Variants in NUDT5 observed in about 807,000 individuals in gnomAD.
NUDT5 encodes the protein ADP-sugar pyrophosphatase.
NUDT5 carries 21 observed loss-of-function variants against 34.1 expected under a neutral mutation model. The ratio of observed to expected loss-of-function variants is 0.62; its 90% CI spans 0.44 to 0.89. The LOEUF is 0.89. Ranked by LOEUF, NUDT5 falls within the 40% of genes least tolerant of loss-of-function variation. NUDT5 has a pLI of 0.00. For synonymous variants in NUDT5, 85 were observed against 97.6 expected, an observed-to-expected ratio of 0.87 and a Z score of 0.76; for missense variants, 249 against 274.8, an observed-to-expected ratio of 0.91 and a Z score of 0.66.
intron 3 of NUDT5, among the ~76,000 whole-genome samples, chr10:12,180,762 A>G (rs1835029513): frequency 6.6e-6 from 1 of 152,154 alleles, no homozygotes; most frequent in Admixed American, 6.5e-5. Context: ...AAAAGCAGGA[A>G]TGAGTATGTT....
chr10:12,189,420 T>C (rs1386394901), intron 1 of NUDT5, among the ~76,000 whole-genome samples: 2 of 152,192 alleles, frequency 1.3e-5, no homozygotes, highest in African/African-American at 2.4e-5. Context: ...AAAGAGAGTA[T>C]TTCTTTGGAA....
At chr10:12,188,098 C>T (rs1421258759) in intron 1 of NUDT5, among the ~76,000 whole-genome samples, 1 of 152,120 alleles carries the variant, frequency 6.6e-6, no homozygotes, top group Admixed American at 6.5e-5. Context: ...GAGATCACGC[C>T]ACTGCACTCT....
At chr10:12,179,539 G>A (rs1282339729) in intron 3 of NUDT5, among the ~76,000 whole-genome samples, 1 of 152,126 alleles carries the variant, frequency 6.6e-6, no homozygotes, top group Non-Finnish European at 1.5e-5. Flanking sequence ...AAGCTACTAT[G>A]GACAACGTGA....
At position 12,169,341 on chromosome 10, in the gene NUDT5, A is replaced by G. The variant is rs775126524; in HGVS notation, c.550+1376T>C. On this transcript the variant is annotated intron_variant, in intron 9 of 9. Transcript: ENST00000491614. The surrounding 1 kb of genome is among the most constrained non-coding windows in gnomAD (Gnocchi z 4.8). ...CTCTTCTACTAAAAGATAACCCCGC[A>G]CGGCATTTCACACTTGCCTACGTCA... 9.1e-6 allele frequency: 14 copies of G among 1,530,116 alleles called. No homozygotes were observed. Among genetic ancestry groups the G allele is most frequent in the Non-Finnish European group, 1.2e-5 (14 of 1,129,076 alleles). 94.8% of individuals were successfully genotyped at this position (1,530,116 alleles called of 1,614,324 possible). A position where few individuals can be genotyped will look rare whatever the true frequency, so the allele number is the denominator to read the frequency against.
Position 12,168,245 on chromosome 10 carries a change from C to T in NUDT5, c.551-434G>A, listed in dbSNP as rs1371106029. On this transcript the variant is annotated intron_variant, in intron 9 of 9. Transcript: ENST00000491614. The surrounding 1 kb of genome is among the most constrained non-coding windows in gnomAD (Gnocchi z 4.8). The stretch of plus-strand genomic sequence containing the variant: ...TTTGCCATGTTGGCCAGGATGGTTT[C>T]GATCTCCTGACCTCGTGATCCACCC... Among the ~76,000 whole-genome samples, 4 of 152,042 alleles carry T rather than the reference C, an allele frequency of 2.6e-5. No homozygotes were observed. The highest frequency in any genetic ancestry group is 4.2e-4 in the South Asian group (2 of 4,814).
intron 5 of NUDT5, among the ~76,000 whole-genome samples, chr10:12,176,181 G>A (rs528277527): frequency 1.3e-5 from 2 of 149,534 alleles, no homozygotes; most frequent in Admixed American, 1.3e-4. Context: ...TGGGCAACAA[G>A]AGCAAAACTC....
Position 12,179,095 on chromosome 10 carries a change from G to A in NUDT5, c.169C>T (p.Gln57Ter). The change falls in exon 4 of 10, where the codon CAG becomes TAG. Residue 57 changes from glutamine (Q) to a stop codon, truncating the protein, a stop_gained. Coordinates refer to ENST00000491614, the MANE Select transcript of NUDT5 (RefSeq NM_014142.4). LOFTEE classifies it high-confidence loss of function. ...TTTGCACTCCTACCATCCGCAGTCTGCTCTTTCCTGGTTGTACGTTTCACT... is the reference window on the plus strand; with the variant it reads ...TTTGCACTCCTACCATCCGCAGTCTACTCTTTCCTGGTTGTACGTTTCACT... The part of the protein sequence containing the change: ...ESVKRTTRKE[Q>*]TADGVAVIPV... 6.2e-7 allele frequency: 1 copy of A among 1,613,952 alleles called. No homozygotes were observed. The highest frequency in any genetic ancestry group is 8.5e-7 in the Non-Finnish European group (1 of 1,179,870).
At position 12,179,085 on chromosome 10, in the gene NUDT5, T is replaced by C; in HGVS notation, c.179A>G (p.Asp60Gly). Reference sequence around the variant, plus strand: ...TTGGAATAGGTTTGCACTCCTACCATCCGCAGTCTGCTCTTTCCTGGTTGT... The same window carrying C: ...TTGGAATAGGTTTGCACTCCTACCACCCGCAGTCTGCTCTTTCCTGGTTGT... ...KRTTRKEQTA[D>G]GVAVIPVLQR... The change falls in exon 4 of 10, where the codon GAT (aspartate) becomes GGT (glycine). Residue 60 changes from aspartate (D) to glycine (G), a missense_variant and splice_region_variant. Transcript: ENST00000491614. 6.2e-7 allele frequency: 1 copy of C among 1,613,932 alleles called. No homozygotes were observed. Among genetic ancestry groups the C allele is most frequent in the Non-Finnish European group, 8.5e-7 (1 of 1,179,810 alleles).
intron 1 of NUDT5, among the ~76,000 whole-genome samples, chr10:12,191,784 T>C (rs1411347558): frequency 6.6e-6 from 1 of 152,178 alleles, no homozygotes; most frequent in Non-Finnish European, 1.5e-5. Flanking sequence ...TACAGCCCTC[T>C]ACAGAAAGGG....
chr10:12,180,793 C>T (rs747558008), intron 3 of NUDT5, among the ~76,000 whole-genome samples: 13 of 152,202 alleles, frequency 8.5e-5, no homozygotes, highest in African/African-American at 1.7e-4. Flanking sequence ...CCTCTTCTAG[C>T]TTTAGGATTC....
Position 12,187,235 on chromosome 10 carries a change from T to C in NUDT5, c.-41-903A>G, listed in dbSNP as rs772077220. Among the ~76,000 whole-genome samples the C allele has an allele frequency of 6.6e-6, 1 of 151,964 alleles. No individual in the cohort carries two copies. The highest frequency in any genetic ancestry group is 2.4e-5 in the African/African-American group (1 of 41,372). On this transcript the variant is annotated intron_variant, in intron 1 of 9. Transcript: ENST00000491614. The surrounding 1 kb of genome is among the most constrained non-coding windows in gnomAD (Gnocchi z 5.4). ...TTTTGGTAGAGGTGGGGTCTCACTA[T>C]GTTTCACAGGCTGGTCTCAGACTCC...
At chr10:12,172,983 C>A in intron 6 of NUDT5, 117 bp from the exon 7 acceptor site, 1 of 700,464 alleles carries the variant, frequency 1.4e-6, no homozygotes, top group Non-Finnish European at 2.5e-6. Context: ...TGCGGGAAAA[C>A]TAGTTCTCAC....
intron 1 of NUDT5, among the ~76,000 whole-genome samples, chr10:12,188,503 C>T (rs535595886): frequency 2.0e-5 from 3 of 152,184 alleles, no homozygotes; most frequent in South Asian, 2.1e-4. Flanking sequence ...GAGGCCAGGG[C>T]GGGTGGATCA....
At chr10:12,186,107 A>G in intron 2 of NUDT5, 122 bp downstream of exon 2, 1 of 800,786 alleles carries the variant, frequency 1.2e-6, no homozygotes, top group Admixed American at 2.3e-5. Flanking sequence ...AAAAGGGAGT[A>G]GGAAAAATCT....
At chr10:12,184,179 G>C (rs553854638) in intron 3 of NUDT5, among the ~76,000 whole-genome samples, 1 of 152,264 alleles carries the variant, frequency 6.6e-6, no homozygotes, top group East Asian at 1.9e-4. Flanking sequence ...AGCCTCCCAA[G>C]TAGCTGGGAT....
At chr10:12,188,992 A>T (rs1175501048) in intron 1 of NUDT5, among the ~76,000 whole-genome samples, 2 of 152,378 alleles carry the variant, frequency 1.3e-5, no homozygotes, top group East Asian at 3.9e-4. Flanking sequence ...ATAAGGAAGT[A>T]AACCACGTAG....
Position 12,173,454 on chromosome 10 carries a change from C to T in NUDT5, c.385+264G>A, listed in dbSNP as rs974685048. Among the ~76,000 whole-genome samples the T allele has an allele frequency of 2.0e-5, 3 of 152,148 alleles. No homozygotes were observed. The highest frequency in any genetic ancestry group is 2.9e-5 in the Non-Finnish European group (2 of 68,022). ...CTGACCTCAGGTGATCCACCTGCCTCGGCCTCCCAAAGTGCTGGGATTACA... is the reference window on the plus strand; with the variant it reads ...CTGACCTCAGGTGATCCACCTGCCTTGGCCTCCCAAAGTGCTGGGATTACA... On this transcript the variant is annotated intron_variant, in intron 6 of 9. Coordinates refer to ENST00000491614, the MANE Select transcript of NUDT5 (RefSeq NM_014142.4). The surrounding 1 kb of genome is among the most constrained non-coding windows in gnomAD (Gnocchi z 4.7).
In NUDT5 at chr10:12,182,519, T is replaced by C. The variant is rs916389685; in HGVS notation, c.131+2370A>G. Among the ~76,000 whole-genome samples the C allele has an allele frequency of 2.0e-5, 3 of 152,276 alleles. No individual in the cohort carries two copies. Among genetic ancestry groups the C allele is most frequent in the African/African-American group, 7.2e-5 (3 of 41,554 alleles). ...TTCAGAGGCCAGGAAAAAAACCCTATGTATGGAAGAATGGACATGACCATG... is the reference window on the plus strand; with the variant it reads ...TTCAGAGGCCAGGAAAAAAACCCTACGTATGGAAGAATGGACATGACCATG... On this transcript the variant is annotated intron_variant, in intron 3 of 9. Transcript: ENST00000491614. This position sits in a 1 kb window ranked among gnomAD's most constrained non-coding sequence, Gnocchi z 4.3.
At chr10:12,185,038 T>C (rs905095367) in intron 2 of NUDT5, 82 bp from the exon 3 acceptor site, 2 of 752,148 alleles carry the variant, frequency 2.7e-6, no homozygotes, top group Admixed American at 2.3e-5. Flanking sequence ...TCACATTTCC[T>C]CTGTCTTTCC....
Sources: gnomAD v4.1 joint callset for allele counts (sites outside exome capture counted in the v4.1 genomes callset) on GRCh38, gnomAD v4.1.1 for gene constraint, Gnocchi (gnomAD v3.1) non-coding constraint, MANE v1.5 for transcripts, NCBI Gene and HGNC (gene_info 2026-07-23, HGNC 2026-07-21) for gene names.